NXN: variants seen among roughly 807,000 people sequenced by gnomAD.
NXN encodes the protein nucleoredoxin.
Under a neutral mutation model 48.6 loss-of-function variants are expected in NXN, and 16 were observed. The observed-to-expected ratio is 0.33, with a 90% CI of 0.22 to 0.50. The LOEUF (loss-of-function observed/expected upper bound fraction) is 0.50. NXN is among the 20% of genes least tolerant of loss of function. The pLI is 0.98. For synonymous variants in NXN, 281 were observed against 269.6 expected, an observed-to-expected ratio of 1.04 and a Z score of -0.41; for missense variants, 492 against 605.5, an observed-to-expected ratio of 0.81 and a Z score of 1.97.
At chr17:816,559 G>A (rs1912484259) in intron 5 of NXN, among the ~76,000 whole-genome samples, 1 of 152,024 alleles carries the variant, frequency 6.6e-6, no homozygotes, top group Non-Finnish European at 1.5e-5. Context: ...TCCCCGACGA[G>A]GCCAAATCTC....
At chr17:969,196 C>T (rs1162339007) in intron 1 of NXN, among the ~76,000 whole-genome samples, 2 of 152,120 alleles carry the variant, frequency 1.3e-5, no homozygotes, top group African/African-American at 4.8e-5. Flanking sequence ...ATCCTAAGTA[C>T]TTGTCAAATA....
intron 1 of NXN, among the ~76,000 whole-genome samples, chr17:841,404 TCCCCCC>T (rs1567827354): frequency 8.2e-6 from 1 of 122,334 alleles, no homozygotes; most frequent in Non-Finnish European, 1.9e-5. Context: ...GGCGAGCAGG[TCCCCCC>T]TGACCACGGC....
At chr17:936,896 C>T (rs1043981812) in intron 1 of NXN, among the ~76,000 whole-genome samples, 8 of 152,036 alleles carry the variant, frequency 5.3e-5, no homozygotes, top group African/African-American at 1.9e-4. Flanking sequence ...CATCACAACA[C>T]CTATGGATAG....
chr17:859,767 C>G (rs1322501356), intron 1 of NXN, among the ~76,000 whole-genome samples: 1 of 152,196 alleles, frequency 6.6e-6, no homozygotes, highest in Non-Finnish European at 1.5e-5. Context: ...TCTGAAAGGC[C>G]TGGCCCTCAG....
intron 1 of NXN, among the ~76,000 whole-genome samples, chr17:944,776 G>A (rs879335684): frequency 2.0e-5 from 3 of 152,032 alleles, no homozygotes; most frequent in Non-Finnish European, 2.9e-5. Flanking sequence ...AAATTAAACC[G>A]GTAGAAAAAT....
At chr17:839,895 G>A (rs975493052) in intron 1 of NXN, among the ~76,000 whole-genome samples, 2 of 150,876 alleles carry the variant, frequency 1.3e-5, no homozygotes, top group African/African-American at 4.9e-5. Context: ...TCAGGAGTTC[G>A]AGACCAGCCT....
At chr17:802,207 C>T (rs1419084530) in intron 7 of NXN, among the ~76,000 whole-genome samples, 4 of 152,128 alleles carry the variant, frequency 2.6e-5, no homozygotes, top group African/African-American at 7.2e-5. Flanking sequence ...CTGCAGCCTC[C>T]ACCTCCTGGG....
rs1050076851 is a variant in NXN, at chr17:849,045, G to A, written c.361-22967C>T. ...GACAAAGGTCTTCGCCTTCGAGAAA[G>A]GAAGGGAGCCTGTCTGGTATGTAAC... is the stretch of plus-strand genomic sequence containing the variant. On this transcript the variant is annotated intron_variant, in intron 1 of 7. Transcript: ENST00000336868. The surrounding 1 kb of genome is among the most constrained non-coding windows in gnomAD (Gnocchi z 4.2). Among the ~76,000 whole-genome samples, 1 of 152,202 alleles carries A rather than the reference G, an allele frequency of 6.6e-6. No homozygotes were observed. The highest frequency in any genetic ancestry group is 2.4e-5 in the African/African-American group (1 of 41,436).
intron 7 of NXN, 92 bp from the exon 8 acceptor site, chr17:801,223 C>A: frequency 3.0e-6 from 3 of 1,015,822 alleles, no homozygotes; most frequent in Non-Finnish European, 2.6e-6. Flanking sequence ...TGTGGTAGCT[C>A]CCGCACCCTG....
At position 958,261 on chromosome 17, in the gene NXN, C is replaced by T. The variant is rs2069193709; in HGVS notation, c.360+21058G>A. Among the ~76,000 whole-genome samples, 1 of 152,152 alleles carries T rather than the reference C, an allele frequency of 6.6e-6. No homozygotes were observed. Among genetic ancestry groups the T allele is most frequent in the Non-Finnish European group, 1.5e-5 (1 of 68,030 alleles). ...CTTGTCCCTTCCCCGGTGCCTCTGCCCAACAAGACATGACGGTGAGCAAGG... is the reference window on the plus strand; with the variant it reads ...CTTGTCCCTTCCCCGGTGCCTCTGCTCAACAAGACATGACGGTGAGCAAGG... On this transcript the variant is annotated intron_variant, in intron 1 of 7. Coordinates refer to ENST00000336868, the MANE Select transcript of NXN (RefSeq NM_022463.5). This position sits in a 1 kb window ranked among gnomAD's most constrained non-coding sequence, Gnocchi z 6.9.
intron 1 of NXN, among the ~76,000 whole-genome samples, chr17:896,295 G>A (rs796312055): frequency 1.0e-4 from 15 of 148,774 alleles, no homozygotes; most frequent in African/African-American, 2.5e-4. Context: ...AGCCGAGATC[G>A]AGCCATTGCA....
chr17:861,729 T>C (rs1567838095), intron 1 of NXN, among the ~76,000 whole-genome samples: 1 of 151,742 alleles, frequency 6.6e-6, no homozygotes, highest in Non-Finnish European at 1.5e-5. Flanking sequence ...CGGTAAAAAA[T>C]AGTGAATTTA....
chr17:803,747 T>C lies in NXN; in HGVS notation c.1060A>G (p.Lys354Glu). 1.9e-6 allele frequency: 3 copies of C among 1,614,232 alleles called. No homozygotes were observed. Among genetic ancestry groups the C allele is most frequent in the Non-Finnish European group, 2.5e-6 (3 of 1,180,044 alleles). ...AKQLIQPIAE[K>E]IIAKYKAKEE... ...TTGGCTTTGTACTTGGCAATGATTT[T>C]CTCAGCTATCGGCTGAATCAGCTGC... is the stretch of plus-strand genomic sequence containing the variant. Residue 354 changes from lysine to glutamate, a missense_variant, in exon 7 of 8, where the codon AAA (lysine) becomes GAA (glutamate). Around this residue, in one of 3 missense-constraint regions of NXN, gnomAD observed 303 missense variants for 388.3 expected, o/e 0.78. Coordinates refer to ENST00000336868, the MANE Select transcript of NXN (RefSeq NM_022463.5).
chr17:971,829 G>A (rs2069384094), intron 1 of NXN, among the ~76,000 whole-genome samples: 1 of 152,188 alleles, frequency 6.6e-6, no homozygotes, highest in South Asian at 2.1e-4. Context: ...AAGCACCTTG[G>A]TGGTTCACAC....
At position 841,435 on chromosome 17, in the gene NXN, C is replaced by T. The variant is rs796141368; in HGVS notation, c.361-15357G>A. On this transcript the variant is annotated intron_variant, in intron 1 of 7. Coordinates refer to ENST00000336868, the MANE Select transcript of NXN (RefSeq NM_022463.5). ...CTGACCACGGCGCATCTCACACGGG[C>T]GAGCAGGTCCCCCTGACCACGGCGC... is the stretch of plus-strand genomic sequence containing the variant. 2.9e-4 allele frequency among the ~76,000 whole-genome samples: 36 copies of T among 125,128 alleles called. No homozygotes were observed. In the East Asian group the frequency reaches 4.8e-3, roughly 17 times the overall value. The allele number at this position is 125,128 out of a possible 152,430, so 82.1% of individuals were successfully genotyped here.
chr17:812,676 G>A (rs1005386871), intron 5 of NXN, among the ~76,000 whole-genome samples: 1 of 151,766 alleles, frequency 6.6e-6, no homozygotes, highest in African/African-American at 2.4e-5. Flanking sequence ...GTGTGTGAGT[G>A]TAGGTGTGTG....
At position 958,697 on chromosome 17, in the gene NXN, G is replaced by A. The variant is rs774300189; in HGVS notation, c.360+20622C>T. On this transcript the variant is annotated intron_variant, in intron 1 of 7. Coordinates refer to ENST00000336868, the MANE Select transcript of NXN (RefSeq NM_022463.5). The surrounding 1 kb of genome is among the most constrained non-coding windows in gnomAD (Gnocchi z 6.9). ...GAGGCAGGAGAATCACCGAGGCGGA[G>A]GTAGAAGTGAGCCCAGATTGTGCCA... Among the ~76,000 whole-genome samples the A allele has an allele frequency of 2.0e-5, 3 of 152,168 alleles. No individual in the cohort carries two copies. Among genetic ancestry groups the A allele is most frequent in the Non-Finnish European group, 4.4e-5 (3 of 68,050 alleles).
chr17:854,724 C>T (rs1048359348), intron 1 of NXN, among the ~76,000 whole-genome samples: 5 of 150,402 alleles, frequency 3.3e-5, no homozygotes, highest in Admixed American at 6.6e-5. Context: ...TTTGGGAGGC[C>T]GAGGAAGATG....
At chr17:913,336 C>G (rs900496568) in intron 1 of NXN, among the ~76,000 whole-genome samples, 1 of 152,168 alleles carries the variant, frequency 6.6e-6, no homozygotes, top group Non-Finnish European at 1.5e-5. Flanking sequence ...CAGGATGGCC[C>G]ATTTTCTCCT....
Sources: gnomAD v4.1 joint callset for allele counts (sites outside exome capture counted in the v4.1 genomes callset) on GRCh38, gnomAD v4.1.1 for gene constraint, gnomAD v4.1.1 regional missense constraint, Gnocchi (gnomAD v3.1) non-coding constraint, MANE v1.5 for transcripts, NCBI Gene and HGNC (gene_info 2026-07-23, HGNC 2026-07-21) for gene names.